The following YTHDC1 variants were observed in gnomAD, a reference collection of about 807,000 sequenced individuals.
YTHDC1 encodes YTH N6-methyladenosine RNA binding protein C1.
YTHDC1 carries 12 observed loss-of-function variants against 107.0 expected under a neutral mutation model. The observed-to-expected ratio is 0.11, with a 90% CI of 0.07 to 0.18. YTHDC1 has a LOEUF of 0.18. Ranked by LOEUF, YTHDC1 falls within the 10% of genes least tolerant of loss-of-function variation. The pLI is 1.00. For missense variants in YTHDC1, 635 were observed against 898.8 expected (o/e 0.71, Z 3.75); for synonymous variants, 280 against 289.5 (o/e 0.97, Z 0.33).
Position 68,322,468 on chromosome 4 carries a change from T to C in YTHDC1, c.1601+281A>G, listed in dbSNP as rs1722539198. The C allele has an allele frequency of 5.7e-6, 2 of 349,560 alleles. No homozygotes were observed. The highest frequency in any genetic ancestry group is 5.1e-6 in the Non-Finnish European group (1 of 194,934). 21.7% of individuals were successfully genotyped at this position (349,560 alleles called of 1,614,324 possible). On this transcript the variant is annotated intron_variant, in intron 11 of 16. Transcript: ENST00000344157. The surrounding 1 kb of genome is among the most constrained non-coding windows in gnomAD (Gnocchi z 4.8). ...GCAACAAATGCCTACCTCATTTCAA[T>C]TGTATACATTGTATTATCAGAGTAT...
chr4:68,349,005 T>A (rs1725761397), intron 1 of YTHDC1, among the ~76,000 whole-genome samples: 2 of 152,176 alleles, frequency 1.3e-5, no homozygotes, highest in African/African-American at 4.8e-5. Context: ...TACATTTCAC[T>A]GAAATTTATC....
chr4:68,310,520 T>C lies in YTHDC1; in HGVS notation c.*3579A>G, dbSNP rs1010954897. 2.0e-5 allele frequency: 3 copies of C among 152,146 alleles called. No homozygotes were observed. Among genetic ancestry groups the C allele is most frequent in the Non-Finnish European group, 4.4e-5 (3 of 68,010 alleles). The allele number at this position is 152,146 out of a possible 1,614,324, so 9.4% of individuals were successfully genotyped here. A position where few individuals can be genotyped will look rare whatever the true frequency, so the allele number is the denominator to read the frequency against. Reference sequence around the variant, plus strand: ...ATCCCCACCCCAAAAAATTAGAGATTAAATGATCTACATGATAGATAACAG... The same window carrying C: ...ATCCCCACCCCAAAAAATTAGAGATCAAATGATCTACATGATAGATAACAG... On this transcript the variant is annotated 3_prime_UTR_variant, in exon 17 of 17. Coordinates refer to ENST00000344157, the MANE Select transcript of YTHDC1 (RefSeq NM_001031732.4).
chr4:68,329,462 G>T (rs62316046), intron 9 of YTHDC1, among the ~76,000 whole-genome samples: 2 of 152,096 alleles, frequency 1.3e-5, no homozygotes, highest in Non-Finnish European at 2.9e-5. Context: ...TGTATGCCAC[G>T]TAAAGATCAC....
intron 1 of YTHDC1, among the ~76,000 whole-genome samples, chr4:68,341,849 C>T (rs990004047): frequency 3.3e-5 from 5 of 152,124 alleles, no homozygotes; most frequent in African/African-American, 1.2e-4. Flanking sequence ...AGATTCTTCA[C>T]CTCTGATAAG....
At position 68,320,179 on chromosome 4, in the gene YTHDC1, T is replaced by G. The variant is rs780827954; in HGVS notation, c.1628A>C (p.His543Pro). 3 of 1,610,276 alleles carry G rather than the reference T, an allele frequency of 1.9e-6. No homozygotes were observed. The highest frequency in any genetic ancestry group is 2.7e-5 in the African/African-American group (2 of 74,798). ...GRRRPEDYDI[H>P]NSRKKPRIDY... ...AATCCTTGGTTTCTTTCTGCTGTTA[T>G]GAATATCATAATCTTCTGGTCGACG... The change falls in exon 12 of 17, where the codon CAT becomes CCT. Residue 543 changes from histidine to proline, a missense_variant. This residue lies in a region of YTHDC1 where 256 missense variants were observed against 372.9 expected (regional missense o/e 0.69). Coordinates refer to ENST00000344157, the MANE Select transcript of YTHDC1 (RefSeq NM_001031732.4).
At chr4:68,339,360 T>A (rs1001292759) in intron 1 of YTHDC1, among the ~76,000 whole-genome samples, 1 of 152,174 alleles carries the variant, frequency 6.6e-6, no homozygotes, top group South Asian at 2.1e-4. Context: ...CTATTTCATA[T>A]CAAAGCAGAC....
chr4:68,333,192 G>T, intron 5 of YTHDC1, 116 bp downstream of exon 5: 1 of 730,794 alleles, frequency 1.4e-6, no homozygotes, highest in Non-Finnish European at 2.3e-6. Flanking sequence ...CACTGAACAT[G>T]CCAAAAATCA....
At chr4:68,336,926 A>C (rs781215045) in intron 4 of YTHDC1, 101 bp downstream of exon 4, 2 of 1,414,430 alleles carry the variant, frequency 1.4e-6, no homozygotes, top group Middle Eastern at 1.8e-4. Flanking sequence ...AATCCTATTA[A>C]TATCCCCCAT....
intron 1 of YTHDC1, among the ~76,000 whole-genome samples, chr4:68,340,552 T>C (rs1344074703): frequency 6.6e-6 from 1 of 152,074 alleles, no homozygotes; most frequent in East Asian, 1.9e-4. Flanking sequence ...TTTCGGACTC[T>C]AAATTATAAA....
intron 9 of YTHDC1, among the ~76,000 whole-genome samples, chr4:68,325,070 CAAAT>C (rs977556232): frequency 2.6e-5 from 4 of 152,062 alleles, no homozygotes; most frequent in Non-Finnish European, 4.4e-5. Context: ...GTGCATAAAA[CAAAT>C]AATGCCAAAA....
chr4:68,340,585 A>G (rs1224980497), intron 1 of YTHDC1, among the ~76,000 whole-genome samples: 1 of 152,100 alleles, frequency 6.6e-6, no homozygotes, highest in Non-Finnish European at 1.5e-5. Context: ...ATAGAAGTAA[A>G]TCAATGTTTT....
intron 1 of YTHDC1, among the ~76,000 whole-genome samples, chr4:68,349,060 C>A (rs751317488): frequency 6.6e-6 from 1 of 152,148 alleles, no homozygotes; most frequent in African/African-American, 2.4e-5. Context: ...CTGACTGTAC[C>A]CTCTGGGAGC....
intron 1 of YTHDC1, among the ~76,000 whole-genome samples, chr4:68,345,542 G>A (rs1466592876): frequency 6.6e-6 from 1 of 151,898 alleles, no homozygotes; most frequent in Non-Finnish European, 1.5e-5. Context: ...ATTGAAAATC[G>A]TCATTCCTCC....
chr4:68,336,871 C>T (rs1724222680), intron 4 of YTHDC1, among the ~76,000 whole-genome samples, 156 bp downstream of exon 4: 1 of 152,148 alleles, frequency 6.6e-6, no homozygotes, highest in Non-Finnish European at 1.5e-5. Context: ...CAAGATTATT[C>T]AAATGTATTT....
At chr4:68,330,753 T>C (rs1474360881) in intron 7 of YTHDC1, among the ~76,000 whole-genome samples, 1 of 152,142 alleles carries the variant, frequency 6.6e-6, no homozygotes, top group Non-Finnish European at 1.5e-5. Context: ...CATTTTTCTA[T>C]TTAAGTTCGT....
intron 9 of YTHDC1, among the ~76,000 whole-genome samples, chr4:68,327,639 C>T (rs888764863): frequency 1.3e-5 from 2 of 152,080 alleles, no homozygotes; most frequent in African/African-American, 2.4e-5. Context: ...AAATATAAAT[C>T]TAATAATTAT....
At chr4:68,349,372 G>T (rs930430582) in intron 1 of YTHDC1, among the ~76,000 whole-genome samples, 1 of 152,170 alleles carries the variant, frequency 6.6e-6, no homozygotes, top group Non-Finnish European at 1.5e-5. Context: ...AGAAATGGTT[G>T]TCCTGAAAAT....
At chr4:68,346,100 T>TATATATATATATATATAC (rs144743953) in intron 1 of YTHDC1, among the ~76,000 whole-genome samples, 12 of 134,152 alleles carry the variant, frequency 8.9e-5, no homozygotes, top group African/African-American at 3.3e-4. Context: ...TATATATATA[T>TATATATATATATATATAC]ACACACACAC....
At chr4:68,329,940 A>G in intron 9 of YTHDC1, 62 bp downstream of exon 9, 1 of 1,251,460 alleles carries the variant, frequency 8.0e-7, no homozygotes, top group Non-Finnish European at 1.2e-6. Flanking sequence ...ACTTTAACAC[A>G]TTATTCTAAA....
Sources: allele counts gnomAD v4.1 joint callset (sites outside exome capture counted in the v4.1 genomes callset), GRCh38; gene constraint gnomAD v4.1.1; regional missense constraint gnomAD v4.1.1; non-coding constraint Gnocchi (gnomAD v3.1); transcripts MANE v1.5; gene names NCBI Gene and HGNC (gene_info 2026-07-23, HGNC 2026-07-21).